NREP: variants seen among roughly 807,000 people sequenced by gnomAD.
NREP encodes neuronal regeneration-related protein.
In NREP, 5 loss-of-function variants were observed where a neutral mutation model predicts 8.6. That is an observed-to-expected ratio of 0.58 (90% confidence interval 0.30 to 1.22). The LOEUF (loss-of-function observed/expected upper bound fraction) is 1.22, where lower values mean the gene tolerates loss of function less well. Among genes scored for constraint, NREP ranks in the 50% most tolerant of loss-of-function variants. NREP has a pLI of 0.07. For missense variants in NREP, 86 were observed against 82.5 expected (o/e 1.04, Z -0.17); for synonymous variants, 27 against 28.0 (o/e 0.96, Z 0.11).
At chr5:111,780,672 A>C (rs943640884) in intron 2 of NREP, among the ~76,000 whole-genome samples, 3 of 152,206 alleles carry the variant, frequency 2.0e-5, no homozygotes, top group African/African-American at 4.8e-5. Context: ...AATAATATGA[A>C]GCACAGTTAG....
intron 2 of NREP, among the ~76,000 whole-genome samples, chr5:111,884,513 C>A (rs1754183585): frequency 6.6e-6 from 1 of 152,148 alleles, no homozygotes; most frequent in African/African-American, 2.4e-5. Flanking sequence ...CAGGCAGAGA[C>A]ACAACCAAAG....
chr5:111,804,904 G>A (rs192964977), intron 2 of NREP, among the ~76,000 whole-genome samples: 7 of 152,282 alleles, frequency 4.6e-5, no homozygotes, highest in Admixed American at 1.3e-4. Flanking sequence ...GGGAGGCTGA[G>A]GCAGGAGGAT....
intron 2 of NREP, among the ~76,000 whole-genome samples, chr5:111,920,380 T>C (rs1755204067): frequency 6.6e-6 from 1 of 152,148 alleles, no homozygotes; most frequent in Non-Finnish European, 1.5e-5. Context: ...GTCATGGTGG[T>C]TTGCTGCACC....
At chr5:111,842,442 A>T (rs1379884063) in intron 2 of NREP, among the ~76,000 whole-genome samples, 2 of 152,110 alleles carry the variant, frequency 1.3e-5, no homozygotes, top group Admixed American at 6.6e-5. Flanking sequence ...TTTTAAATTG[A>T]TAAAGACCTA....
intron 2 of NREP, among the ~76,000 whole-genome samples, chr5:111,827,392 C>G (rs918321534): frequency 7.2e-5 from 11 of 152,186 alleles, no homozygotes; most frequent in African/African-American, 2.4e-4. Context: ...TAATACTTGT[C>G]ATGAAGACAA....
chr5:111,919,740 G>A (rs1245289334), intron 2 of NREP, among the ~76,000 whole-genome samples: 1 of 152,038 alleles, frequency 6.6e-6, no homozygotes, highest in Admixed American at 6.6e-5. Flanking sequence ...GGGACTAGGA[G>A]AGGGATAACA....
chr5:111,799,712 G>A (rs754141986), intron 2 of NREP, among the ~76,000 whole-genome samples: 22 of 152,154 alleles, frequency 1.4e-4, no homozygotes, highest in Non-Finnish European at 2.9e-4. Context: ...GCTGCCTAGA[G>A]GACATAGTTA....
At chr5:111,938,224 T>G (rs1561356852) in intron 2 of NREP, among the ~76,000 whole-genome samples, 1 of 152,076 alleles carries the variant, frequency 6.6e-6, no homozygotes, top group Non-Finnish European at 1.5e-5. Context: ...CTCCATTCCC[T>G]CACTCATAGT....
chr5:111,864,215 G>A (rs1753615758), intron 2 of NREP, among the ~76,000 whole-genome samples: 1 of 152,040 alleles, frequency 6.6e-6, no homozygotes, highest in Admixed American at 6.6e-5. Context: ...TCCATTACTG[G>A]GGTCCTAAAT....
At chr5:111,885,056 G>T (rs1167791696) in intron 2 of NREP, among the ~76,000 whole-genome samples, 5 of 152,196 alleles carry the variant, frequency 3.3e-5, no homozygotes, top group Admixed American at 3.3e-4. Context: ...CAGATGACAT[G>T]ATTGTATACC....
At chr5:111,745,030 G>A (rs1334740660) in intron 2 of NREP, among the ~76,000 whole-genome samples, 2 of 151,868 alleles carry the variant, frequency 1.3e-5, no homozygotes, top group Non-Finnish European at 2.9e-5. Flanking sequence ...ATGTAAATTC[G>A]GGAACCCACA....
chr5:111,757,821 A>G, upstream of NREP: 1 of 966,538 alleles, frequency 1.0e-6, no homozygotes, highest in South Asian at 4.8e-5. Context: ...TTTCAGACAA[A>G]TAAGGAGGTG....
chr5:111,831,702 C>A (rs1162799734), intron 2 of NREP, among the ~76,000 whole-genome samples: 1 of 152,166 alleles, frequency 6.6e-6, no homozygotes, highest in African/African-American at 2.4e-5. Flanking sequence ...AAAATGAAAG[C>A]AGTATGGGTA....
intron 1 of NREP, chr5:111,756,063 T>A: frequency 8.2e-7 from 1 of 1,213,826 alleles, no homozygotes; most frequent in South Asian, 2.9e-5. Flanking sequence ...TGGGCTATTC[T>A]TAGTGTTTGG....
chr5:111,825,882 T>C (rs1424021095), intron 2 of NREP, among the ~76,000 whole-genome samples: 36 of 152,042 alleles, frequency 2.4e-4, no homozygotes. Flanking sequence ...GGACATCTGA[T>C]GGGTGGCACC....
At chr5:111,743,386 T>G (rs1322341018) in intron 2 of NREP, among the ~76,000 whole-genome samples, 1 of 152,146 alleles carries the variant, frequency 6.6e-6, no homozygotes, top group Non-Finnish European at 1.5e-5. Flanking sequence ...AGAAATATGT[T>G]AATAAAATCT....
intron 2 of NREP, among the ~76,000 whole-genome samples, chr5:111,934,302 T>C (rs1029469489): frequency 6.6e-6 from 1 of 152,062 alleles, no homozygotes; most frequent in Non-Finnish European, 1.5e-5. Context: ...TTTCTGACTC[T>C]TATGCTTCTA....
chr5:111,869,704 A>G (rs1355777350), intron 2 of NREP, among the ~76,000 whole-genome samples: 2 of 152,312 alleles, frequency 1.3e-5, no homozygotes, highest in African/African-American at 2.4e-5. Flanking sequence ...TGGAAGGGAT[A>G]TATTTTGAGA....
chr5:111,757,406 GTCTC>G (rs1750793746), upstream of NREP: 5 of 969,736 alleles, frequency 5.2e-6, no homozygotes, highest in Non-Finnish European at 6.1e-6. Context: ...GAGTGTGTGT[GTCTC>G]TCTCTTTCTC....
Sources: allele counts gnomAD v4.1 joint callset (sites outside exome capture counted in the v4.1 genomes callset), GRCh38; gene constraint gnomAD v4.1.1; transcripts MANE v1.5; gene names NCBI Gene and HGNC (gene_info 2026-07-23, HGNC 2026-07-21).